Variants in PTPA observed in about 807,000 individuals in gnomAD.
The protein encoded by PTPA is serine/threonine-protein phosphatase 2A activator.
In PTPA, 13 loss-of-function variants were observed where a neutral mutation model predicts 43.6. The observed-to-expected ratio is 0.30, with a 90% CI of 0.19 to 0.47. The LOEUF is 0.47. Ranked by LOEUF, PTPA falls within the 20% of genes least tolerant of loss-of-function variation. PTPA has a pLI of 0.99. For synonymous variants in PTPA, 172 were observed against 158.2 expected (o/e 1.09, Z -0.66); for missense variants, 329 against 411.9 (o/e 0.80, Z 1.74).
intron 9 of PTPA, chr9:129,143,175 C>G: frequency 1.6e-6 from 1 of 618,976 alleles, no homozygotes; most frequent in South Asian, 1.9e-5. Context: ...TGGCACTGTT[C>G]TCCCAGCCAA....
At chr9:129,112,209 G>A (rs1381708247) in intron 1 of PTPA, among the ~76,000 whole-genome samples, 1 of 152,132 alleles carries the variant, frequency 6.6e-6, no homozygotes, top group Non-Finnish European at 1.5e-5. Flanking sequence ...GTTGTGCAAG[G>A]AGGTTAGTCT....
intron 9 of PTPA, among the ~76,000 whole-genome samples, chr9:129,144,465 G>A (rs1588540872): frequency 1.3e-5 from 2 of 152,288 alleles, no homozygotes; most frequent in South Asian, 2.1e-4. Context: ...CAGGCCGGGC[G>A]TGGTGGCTCA....
At chr9:129,138,903 G>A (rs912995777) in intron 8 of PTPA, among the ~76,000 whole-genome samples, 5 of 152,236 alleles carry the variant, frequency 3.3e-5, no homozygotes, top group African/African-American at 1.2e-4. Flanking sequence ...GCCCTCAGCA[G>A]TGTGGCAGGC....
chr9:129,128,045 G>A (rs767686880), intron 3 of PTPA: 16 of 1,341,156 alleles, frequency 1.2e-5, no homozygotes, highest in East Asian at 4.8e-5. Context: ...ATTACCCCGC[G>A]CCGGGCACTG....
intron 2 of PTPA, 152 bp from the exon 3 acceptor site, chr9:129,122,900 C>T (rs1347529694): frequency 9.6e-6 from 6 of 627,058 alleles, no homozygotes; most frequent in East Asian, 2.7e-5. Flanking sequence ...TTTGGCATTA[C>T]GTTTCTGCTT....
At chr9:129,146,126 G>A (rs1240000009) in intron 9 of PTPA, among the ~76,000 whole-genome samples, 1 of 152,150 alleles carries the variant, frequency 6.6e-6, no homozygotes, top group East Asian at 1.9e-4. Flanking sequence ...GGGCTCTTAT[G>A]ACCACTTCTG....
intron 8 of PTPA, chr9:129,140,186 C>G (rs367905152): frequency 6.6e-6 from 1 of 152,558 alleles, no homozygotes; most frequent in African/African-American, 2.4e-5. Flanking sequence ...GCTGCTCTGA[C>G]TCACACGATT....
chr9:129,113,068 C>T (rs1848648192), intron 1 of PTPA, among the ~76,000 whole-genome samples: 1 of 88,570 alleles, frequency 1.1e-5, no homozygotes, highest in African/African-American at 2.9e-5. Context: ...AAAAAAAAGT[C>T]GCAAAAAAAA....
intron 3 of PTPA, among the ~76,000 whole-genome samples, chr9:129,125,590 T>A: frequency 6.6e-6 from 1 of 151,836 alleles, no homozygotes; most frequent in East Asian, 1.9e-4. Flanking sequence ...GATTGCAGTG[T>A]GGTTACATGC....
intron 9 of PTPA, among the ~76,000 whole-genome samples, chr9:129,147,073 G>A (rs1851352765): frequency 6.6e-6 from 1 of 152,198 alleles, no homozygotes; most frequent in South Asian, 2.1e-4. Flanking sequence ...CAGTGATCAG[G>A]AGGGTTCTTT....
At position 129,142,535 on chromosome 9, in the gene PTPA, C is replaced by A; in HGVS notation, c.877C>A (p.Arg293Ser). ...SWSKVNQGLI[R>S]MYKAECLEKF... ...GTCCAAAGTGAACCAGGGTCTCATC[C>A]GCATGTATAAGGCCGAGGTGAGTGG... Residue 293 changes from arginine (R) to serine (S), a missense_variant, in exon 9 of 10, where the codon CGC (arginine) becomes AGC (serine). Arg to Ser is a moderately radical substitution (Grantham distance 110, BLOSUM62 -1). Coordinates refer to ENST00000393370, the MANE Select transcript of PTPA (RefSeq NM_178000.3). 6.2e-7 allele frequency: 1 copy of A among 1,614,122 alleles called. No homozygotes were observed. The highest frequency in any genetic ancestry group is 8.5e-7 in the Non-Finnish European group (1 of 1,180,000).
chr9:129,129,003 G>A lies in PTPA; in HGVS notation c.235G>A (p.Ala79Thr), dbSNP rs1849768717. Residue 79 changes from alanine (A) to threonine (T), a missense_variant, in exon 4 of 10, where the codon GCT becomes ACT. Coordinates refer to ENST00000393370, the MANE Select transcript of PTPA (RefSeq NM_178000.3). ...TCCACAGGCCATTGAGAAACTAGTC[G>A]CTCTTCTCAACACGCTGGACAGGTG... ...RVSEAIEKLV[A>T]LLNTLDRWID... The A allele has an allele frequency of 3.7e-6, 6 of 1,613,028 alleles. No individual in the cohort carries two copies. Among genetic ancestry groups the A allele is most frequent in the Middle Eastern group, 1.9e-4 (1 of 5,346 alleles).
At chr9:129,142,800 A>G (rs776211590) in intron 9 of PTPA, 8 of 1,535,696 alleles carry the variant, frequency 5.2e-6, no homozygotes, top group Non-Finnish European at 7.0e-6. Context: ...ATGAGCTTGG[A>G]GGCTGAGGCA....
At position 129,115,680 on chromosome 9, in the gene PTPA, C is replaced by T. The variant is rs1848816157; in HGVS notation, c.31+4049C>T. Among the ~76,000 whole-genome samples the T allele has an allele frequency of 3.3e-5, 5 of 151,772 alleles. No individual in the cohort carries two copies. The South Asian group carries it at 6.2e-4, about 19-fold the overall frequency. ...TTGAGATGGAGTTTCACTCTTGTTG[C>T]CCAGGCTGGAGTACAGTGGCGTGAT... On this transcript the variant is annotated intron_variant, in intron 1 of 9. Transcript: ENST00000393370.
At chr9:129,117,128 G>T (rs1848930511) in intron 1 of PTPA, among the ~76,000 whole-genome samples, 1 of 151,244 alleles carries the variant, frequency 6.6e-6, no homozygotes, top group Admixed American at 6.6e-5. Context: ...GCTCACTTCA[G>T]CCTCAGCCTC....
At chr9:129,146,429 G>A (rs1053534114) in intron 9 of PTPA, among the ~76,000 whole-genome samples, 6 of 152,198 alleles carry the variant, frequency 3.9e-5, no homozygotes, top group African/African-American at 9.7e-5. Context: ...CATAGCACCC[G>A]TTTGTCTCTA....
intron 5 of PTPA, among the ~76,000 whole-genome samples, chr9:129,133,140 A>G (rs1191601963): frequency 6.6e-6 from 1 of 152,204 alleles, no homozygotes; most frequent in African/African-American, 2.4e-5. Flanking sequence ...TGGCCTGTGC[A>G]GCTAAGGAGG....
intron 1 of PTPA, chr9:129,119,538 T>C (rs10819468): frequency 0.59 from 90,080 of 151,872 alleles, 28,654 homozygotes; most frequent in Non-Finnish European, 0.7. Context: ...CCCAAGTAGC[T>C]GGGACCGCAG....
In PTPA at chr9:129,147,435, C is replaced by A. The variant is rs774999277; in HGVS notation, c.943C>A (p.Leu315Met). 5 of 1,614,020 alleles carry A rather than the reference C, an allele frequency of 3.1e-6. No homozygotes were observed. Among genetic ancestry groups the A allele is most frequent in the Non-Finnish European group, 4.2e-6 (5 of 1,179,974 alleles). Residue 315 changes from leucine to methionine, a missense_variant, in exon 10 of 10, where the codon CTG becomes ATG. Leu to Met is a conservative substitution (Grantham distance 15). Transcript: ENST00000393370. ...VIQHFKFGSLLPIHPVTSG is the reference protein window; with the variant it reads ...VIQHFKFGSLMPIHPVTSG ...CCAGCACTTCAAGTTCGGGAGCCTG[C>A]TGCCCATCCATCCTGTCACGTCGGG...
Sources: allele counts gnomAD v4.1 joint callset (sites outside exome capture counted in the v4.1 genomes callset), GRCh38; gene constraint gnomAD v4.1.1; transcripts MANE v1.5; gene names NCBI Gene and HGNC (gene_info 2026-07-23, HGNC 2026-07-21).